Variants in DCC observed in about 807,000 individuals in gnomAD.
DCC encodes the protein netrin receptor DCC.
A neutral mutation model predicts 172.5 loss-of-function variants in DCC; 58 were observed. That is an observed-to-expected ratio of 0.34 (90% CI 0.27 to 0.42). The LOEUF (loss-of-function observed/expected upper bound fraction) is 0.42. Ranked by LOEUF, DCC falls within the 10% of genes least tolerant of loss-of-function variation. The pLI, the probability that DCC is intolerant of heterozygous loss-of-function variation, is 1.00. For synonymous variants in DCC, 709 were observed against 644.5 expected, an observed-to-expected ratio of 1.10 and a Z score of -1.52; for missense variants, 1,740 against 1,791.0, an observed-to-expected ratio of 0.97 and a Z score of 0.51.
At chr18:52,492,760 G>A (rs991623966) in intron 1 of DCC, among the ~76,000 whole-genome samples, 1 of 152,056 alleles carries the variant, frequency 6.6e-6, no homozygotes, top group African/African-American at 2.4e-5. Flanking sequence ...CAGCTACTCA[G>A]GTGAGACTCA....
chr18:52,528,681 C>T (rs1169660396), intron 1 of DCC, among the ~76,000 whole-genome samples: 1 of 152,008 alleles, frequency 6.6e-6, no homozygotes, highest in East Asian at 1.9e-4. Flanking sequence ...CAACTCTCCA[C>T]ACTTCTGCTT....
chr18:53,355,459 G>A (rs1042806461), intron 15 of DCC, among the ~76,000 whole-genome samples: 1 of 152,120 alleles, frequency 6.6e-6, no homozygotes, highest in Non-Finnish European at 1.5e-5. Context: ...CTGAGCAGTG[G>A]TTTGTAGTTC....
chr18:52,764,719 T>C (rs768318717), intron 2 of DCC, among the ~76,000 whole-genome samples: 3 of 151,928 alleles, frequency 2.0e-5, no homozygotes, highest in Non-Finnish European at 4.4e-5. Context: ...GAACGTTTTT[T>C]CTTTATAAGT....
At chr18:53,133,869 G>T (rs902850860) in intron 7 of DCC, among the ~76,000 whole-genome samples, 2 of 152,158 alleles carry the variant, frequency 1.3e-5, no homozygotes, top group African/African-American at 4.8e-5. Context: ...GCTGAGCCAG[G>T]TCATACAAAG....
Position 52,700,390 on chromosome 18 carries a change from TGCACATGCACACACACAC to T in DCC, c.92-51645_92-51628del, listed in dbSNP as rs1209639534. On this transcript the variant is annotated intron_variant, in intron 1 of 28. Transcript: ENST00000442544. ...ACACATGCACACACATGCACACTCA[TGCACATGCACACACACAC>T]GCACATGCACACACACACAGAATAT... is the stretch of plus-strand genomic sequence containing the variant. Among the ~76,000 whole-genome samples, 26 of 150,270 alleles carry T rather than the reference TGCACATGCACACACACAC, an allele frequency of 1.7e-4. No individual in the cohort carries two copies. In the South Asian group the frequency reaches 1.9e-3, roughly 11 times the overall value.
chr18:53,405,596 A>G (rs1402009203), intron 19 of DCC, among the ~76,000 whole-genome samples: 2 of 152,232 alleles, frequency 1.3e-5, no homozygotes, highest in African/African-American at 4.8e-5. Context: ...GTTTTTAAAT[A>G]TAAGTACTCA....
At chr18:52,496,763 G>C (rs1466723036) in intron 1 of DCC, among the ~76,000 whole-genome samples, 2 of 151,978 alleles carry the variant, frequency 1.3e-5, no homozygotes, top group African/African-American at 2.4e-5. Context: ...AGCCTTTGGG[G>C]CTTTGACAGG....
At chr18:52,585,386 A>T (rs183516170) in intron 1 of DCC, among the ~76,000 whole-genome samples, 1 of 152,358 alleles carries the variant, frequency 6.6e-6, no homozygotes, top group East Asian at 1.9e-4. Flanking sequence ...AAGAGAACTC[A>T]CATACATAAG....
At chr18:52,883,874 T>C (rs770489053) in intron 2 of DCC, among the ~76,000 whole-genome samples, 3 of 151,920 alleles carry the variant, frequency 2.0e-5, no homozygotes, top group Non-Finnish European at 2.9e-5. Context: ...TTAGCATTTC[T>C]TGTAGGACAT....
chr18:52,397,805 C>T (rs540633399), intron 1 of DCC, among the ~76,000 whole-genome samples: 40 of 152,074 alleles, frequency 2.6e-4, no homozygotes, highest in African/African-American at 9.2e-4. Context: ...TCCAATTAAG[C>T]CTCTCCATCT....
intron 7 of DCC, among the ~76,000 whole-genome samples, chr18:53,083,099 A>C (rs1208240705): frequency 2.0e-5 from 3 of 152,100 alleles, no homozygotes; most frequent in Admixed American, 2.0e-4. Flanking sequence ...AAAACAACAT[A>C]ATCATCAAAA....
chr18:52,537,056 G>T (rs151286284), intron 1 of DCC, among the ~76,000 whole-genome samples: 39 of 152,234 alleles, frequency 2.6e-4, no homozygotes, highest in African/African-American at 8.9e-4. Flanking sequence ...CAGGCTATTG[G>T]ATTTGATTAT....
intron 1 of DCC, among the ~76,000 whole-genome samples, chr18:52,697,814 A>G (rs1279933975): frequency 1.3e-5 from 2 of 152,208 alleles, no homozygotes; most frequent in Non-Finnish European, 2.9e-5. Flanking sequence ...CAGCTGTTTA[A>G]GCCTTCTGGA....
intron 1 of DCC, among the ~76,000 whole-genome samples, chr18:52,719,215 TC>T (rs985820534): frequency 1.3e-5 from 2 of 151,918 alleles, no homozygotes; most frequent in African/African-American, 4.8e-5. Flanking sequence ...CATCCTGAGA[TC>T]CTTAATTATG....
intron 5 of DCC, among the ~76,000 whole-genome samples, chr18:52,985,181 C>A (rs2041273189): frequency 6.6e-6 from 1 of 152,004 alleles, no homozygotes; most frequent in Non-Finnish European, 1.5e-5. Flanking sequence ...GCTATGCTTA[C>A]TGTTTTTCTC....
chr18:52,742,369 T>C (rs1449761109), intron 1 of DCC, among the ~76,000 whole-genome samples: 2 of 152,198 alleles, frequency 1.3e-5, no homozygotes, highest in Admixed American at 6.5e-5. Flanking sequence ...ACATTGTACA[T>C]ATTTTCTCAG....
chr18:52,868,714 G>T (rs1332823620), intron 2 of DCC, among the ~76,000 whole-genome samples: 1 of 152,194 alleles, frequency 6.6e-6, no homozygotes, highest in African/African-American at 2.4e-5. Flanking sequence ...GGCTCATTCT[G>T]CCCATTCAGC....
rs141943267 is a variant in DCC at position 52,914,837 on chromosome 18, C to T, written c.697+8509C>T. On this transcript the variant is annotated intron_variant, in intron 3 of 28. Transcript: ENST00000442544. ...TGAGGATGCAGACAGAGCAAACTAG[C>T]TCTCTGAAGTTAAATTAATTTGTAA... Among the ~76,000 whole-genome samples the T allele has an allele frequency of 8.2e-3, 1,244 of 152,186 alleles. 15 individuals carry two copies. The highest frequency in any genetic ancestry group is 0.014 in the Non-Finnish European group (943 of 67,996).
intron 27 of DCC, among the ~76,000 whole-genome samples, chr18:53,507,256 T>G (rs2046192024): frequency 2.0e-5 from 3 of 152,186 alleles, no homozygotes; most frequent in African/African-American, 7.2e-5. Context: ...TGAAATAAAG[T>G]GCTCACATAA....
Sources: allele counts gnomAD v4.1 joint callset (sites outside exome capture counted in the v4.1 genomes callset), GRCh38; gene constraint gnomAD v4.1.1; transcripts MANE v1.5; gene names NCBI Gene and HGNC (gene_info 2026-07-23, HGNC 2026-07-21).